CLN3: variants seen among roughly 807,000 people sequenced by gnomAD.
The protein encoded by CLN3 is CLN3 lysosomal/endosomal transmembrane protein, battenin.
In CLN3, 49 loss-of-function variants were observed where a neutral mutation model predicts 60.7. That is an observed-to-expected ratio of 0.81 (90% CI 0.64 to 1.02). The LOEUF (loss-of-function observed/expected upper bound fraction) is 1.02. Ranked by LOEUF, CLN3 falls within the 50% of genes least tolerant of loss-of-function variation. The pLI is 0.00. For missense variants in CLN3, 516 were observed against 557.4 expected, an observed-to-expected ratio of 0.93 and a Z score of 0.75; for synonymous variants, 256 against 245.8, an observed-to-expected ratio of 1.04 and a Z score of -0.39.
chr16:28,488,465 G>A (rs2046258771), intron 5 of CLN3, 126 bp downstream of exon 5: 2 of 804,956 alleles, frequency 2.5e-6, no homozygotes, highest in South Asian at 1.6e-5. Flanking sequence ...GTGAGCCAGT[G>A]CGCCCAGCCC....
At chr16:28,490,759 C>CAA (rs772260404) in intron 3 of CLN3, among the ~76,000 whole-genome samples, 684 of 54,708 alleles carry the variant, frequency 0.013, 11 homozygotes, top group African/African-American at 0.035. Flanking sequence ...GACTCCGTCT[C>CAA]AAAAAAAAAA....
At chr16:28,472,289 T>C (rs912139632), downstream of CLN3, among the ~76,000 whole-genome samples, 2 of 150,660 alleles carry the variant, frequency 1.3e-5, no homozygotes, top group Non-Finnish European at 3.0e-5. Flanking sequence ...TGGTGGCTAA[T>C]TGGGAGGCTG....
chr16:28,470,547 G>C (rs371249939), downstream of CLN3: 1,380 of 174,236 alleles, frequency 7.9e-3, 57 homozygotes, highest in East Asian at 0.14. Flanking sequence ...GAGTTGGGGC[G>C]GGGGAGGGGA....
intron 5 of CLN3, 111 bp from the exon 6 acceptor site, chr16:28,487,852 C>T (rs2046247957): frequency 2.4e-6 from 2 of 832,022 alleles, no homozygotes; most frequent in African/African-American, 1.7e-5. Context: ...CAAACACAGG[C>T]TCTGGAGTCA....
intron 3 of CLN3, among the ~76,000 whole-genome samples, chr16:28,489,837 G>A (rs1445124972): frequency 2.0e-5 from 3 of 151,630 alleles, no homozygotes; most frequent in East Asian, 1.9e-4. Context: ...CGGGCGGATC[G>A]CCTGAGGTCA....
intron 10 of CLN3, among the ~76,000 whole-genome samples, chr16:28,483,173 T>A (rs2046133578): frequency 6.6e-6 from 1 of 152,170 alleles, no homozygotes; most frequent in African/African-American, 2.4e-5. Context: ...TTTATCATGA[T>A]GAAAATAAAA....
downstream of CLN3, among the ~76,000 whole-genome samples, chr16:28,472,054 A>G (rs973568596): frequency 7.9e-5 from 12 of 152,354 alleles, no homozygotes; most frequent in Non-Finnish European, 1.3e-4. Context: ...TGGAGGATTC[A>G]CATTTCCTAT....
chr16:28,487,609 C>T, intron 6 of CLN3, 53 bp downstream of exon 6: 2 of 1,598,240 alleles, frequency 1.3e-6, no homozygotes, highest in South Asian at 2.2e-5. Context: ...GCCATCCCAG[C>T]CTCCCCTTTC....
chr16:28,484,776 G>A (rs916828446), intron 9 of CLN3: 4 of 152,180 alleles, frequency 2.6e-5, no homozygotes, highest in South Asian at 2.1e-4. Context: ...GAACTTCCTC[G>A]ATTTTAGTCA....
chr16:28,488,281 T>G (rs964726858), intron 5 of CLN3: 3 of 163,074 alleles, frequency 1.8e-5, no homozygotes, highest in African/African-American at 7.2e-5. Context: ...TCTCAAGTGA[T>G]CCATCCGCCT....
At position 28,481,369 on chromosome 16, in the gene CLN3, G is replaced by A. The variant is rs191322105; in HGVS notation, c.1056+736C>T. 5.6e-4 allele frequency among the ~76,000 whole-genome samples: 84 copies of A among 150,722 alleles called. 1 individual carries two copies. The Middle Eastern group carries it at 0.01, about 18-fold the overall frequency. On this transcript the variant is annotated intron_variant, in intron 14 of 15. Coordinates refer to ENST00000636147, the MANE Select transcript of CLN3 (RefSeq NM_001042432.2). ...ACCTGCCTCAGCCTCCCATAGTGCT[G>A]GGATTACAGGCATGAGCCACCTGGC...
intron 4 of CLN3, 64 bp downstream of exon 4, chr16:28,489,226 T>C: frequency 7.6e-7 from 1 of 1,311,104 alleles, no homozygotes; most frequent in Non-Finnish European, 1.1e-6. Context: ...TTACCCCACC[T>C]TGTCCCACCC....
chr16:28,479,120 T>C (rs902107824), intron 14 of CLN3, among the ~76,000 whole-genome samples: 2 of 152,190 alleles, frequency 1.3e-5, no homozygotes, highest in African/African-American at 2.4e-5. Flanking sequence ...CTCCCAGCAC[T>C]GACCACGCCA....
At position 28,477,413 on chromosome 16, in the gene CLN3, G is replaced by A. The variant is rs2046010188; in HGVS notation, c.*103C>T. 1 of 1,508,274 alleles carries A rather than the reference G, an allele frequency of 6.6e-7. No individual in the cohort carries two copies. Among genetic ancestry groups the A allele is most frequent in the Non-Finnish European group, 9.1e-7 (1 of 1,093,354 alleles). The allele number at this position is 1,508,274 out of a possible 1,614,324, so 93.4% of individuals were successfully genotyped here. ...CCCTACTCCCAGACCTGCCGGGAAG[G>A]CTGGGAGCACAGTTCATGGAGGGTC... On this transcript the variant is annotated 3_prime_UTR_variant, in exon 16 of 16. Transcript: ENST00000636147.
At chr16:28,486,007 T>C (rs2046208582) in intron 9 of CLN3, among the ~76,000 whole-genome samples, 2 of 151,588 alleles carry the variant, frequency 1.3e-5, no homozygotes, top group Non-Finnish European at 3.0e-5. Context: ...TTTTTTTTTT[T>C]TTCTTCCTGA....
intron 13 of CLN3, 28 bp from the exon 14 acceptor site, chr16:28,482,226 G>A (rs773192286): frequency 8.1e-6 from 13 of 1,599,748 alleles, no homozygotes; most frequent in African/African-American, 1.3e-5. Context: ...GGGAGGAGAG[G>A]AGGCTCCTCC....
At position 28,492,059 on chromosome 16, in the gene CLN3, GT is replaced by G. The variant is rs942859717; in HGVS notation, c.-117del. On this transcript the variant is annotated 5_prime_UTR_variant, in exon 1 of 16. Transcript: ENST00000636147. ...GAATGTTCTGCACTATGCAGAGGCCGTTTGTCGGATCACGTGACAGCACCCG... is the reference window on the plus strand; with the variant it reads ...GAATGTTCTGCACTATGCAGAGGCCGTTGTCGGATCACGTGACAGCACCCG... 1.0e-5 allele frequency: 5 copies of G among 497,066 alleles called. No individual in the cohort carries two copies. The highest frequency in any genetic ancestry group is 9.6e-5 in the African/African-American group (5 of 51,968). 30.8% of individuals were successfully genotyped at this position (497,066 alleles called of 1,614,324 possible).
At chr16:28,483,583 T>C (rs1305686544) in intron 10 of CLN3, among the ~76,000 whole-genome samples, 2 of 152,124 alleles carry the variant, frequency 1.3e-5, no homozygotes, top group Non-Finnish European at 2.9e-5. Context: ...TCACTGGCCA[T>C]TCTCTGGTTC....
intron 5 of CLN3, 127 bp from the exon 6 acceptor site, chr16:28,487,868 G>T: frequency 1.3e-6 from 1 of 747,056 alleles, no homozygotes; most frequent in Admixed American, 2.0e-5. Context: ...AGTCAGGCAC[G>T]CCTGGGTTCA....
Sources: gnomAD v4.1 joint callset for allele counts (sites outside exome capture counted in the v4.1 genomes callset) on GRCh38, gnomAD v4.1.1 for gene constraint, MANE v1.5 for transcripts, NCBI Gene and HGNC (gene_info 2026-07-23, HGNC 2026-07-21) for gene names.